TENM2: variants seen among roughly 807,000 people sequenced by gnomAD.
The protein encoded by TENM2 is teneurin-2.
Under a neutral mutation model 245.2 loss-of-function variants are expected in TENM2, and 52 were observed. That is an observed-to-expected ratio of 0.21 (90% CI 0.17 to 0.27). The LOEUF (loss-of-function observed/expected upper bound fraction) is 0.27. Ranked by LOEUF, TENM2 falls within the 10% of genes least tolerant of loss-of-function variation. TENM2 has a pLI of 1.00. For synonymous variants in TENM2, 1,363 were observed against 1,438.9 expected, an observed-to-expected ratio of 0.95 and a Z score of 1.19; for missense variants, 3,046 against 3,666.8, an observed-to-expected ratio of 0.83 and a Z score of 4.37.
At chr5:167,476,905 T>C (rs1195887041) in intron 2 of TENM2, among the ~76,000 whole-genome samples, 1 of 152,172 alleles carries the variant, frequency 6.6e-6, no homozygotes, top group African/African-American at 2.4e-5. Flanking sequence ...AGCCAATAGC[T>C]GATTTCTTTA....
chr5:168,230,362 T>A (rs766942675), intron 25 of TENM2, among the ~76,000 whole-genome samples: 4 of 152,278 alleles, frequency 2.6e-5, no homozygotes, highest in Non-Finnish European at 5.9e-5. Context: ...GCCTGGAATT[T>A]ATTTGCATCT....
chr5:167,356,207 AAAAAAAAAAAAAAATT>A (rs1346821850), intron 1 of TENM2, among the ~76,000 whole-genome samples: 8 of 149,914 alleles, frequency 5.3e-5, no homozygotes, highest in Non-Finnish European at 8.9e-5. Flanking sequence ...AAAAAAAAAA[AAAAAAAAAAAAAAATT>A]AAAATTAAAA....
chr5:167,452,739 C>G (rs970907114), intron 2 of TENM2, among the ~76,000 whole-genome samples: 1 of 150,864 alleles, frequency 6.6e-6, no homozygotes. Flanking sequence ...AATGAGACCA[C>G]TTGGACACAG....
chr5:167,020,039 T>G, the TENM2 span, among the ~76,000 whole-genome samples: 1 of 152,144 alleles, frequency 6.6e-6, no homozygotes, highest in East Asian at 1.9e-4. Context: ...TTTCTAAACT[T>G]TACATGGATC....
the TENM2 span, among the ~76,000 whole-genome samples, chr5:167,199,004 C>T: frequency 1.3e-5 from 2 of 148,338 alleles, no homozygotes; most frequent in Admixed American, 6.9e-5. Flanking sequence ...TAGAAGTCTT[C>T]GTGAATAAAA....
intron 2 of TENM2, among the ~76,000 whole-genome samples, chr5:167,518,571 T>A (rs1332825447): frequency 6.6e-6 from 1 of 152,186 alleles, no homozygotes; most frequent in Non-Finnish European, 1.5e-5. Flanking sequence ...CGACAGTGAC[T>A]GGAGTAGCTA....
At chr5:167,045,955 A>G in the TENM2 span, among the ~76,000 whole-genome samples, 1 of 152,094 alleles carries the variant, frequency 6.6e-6, no homozygotes, top group Non-Finnish European at 1.5e-5. Flanking sequence ...AAACATACTC[A>G]TTTTCTCTGA....
At chr5:167,419,256 G>C (rs1013393707) in intron 2 of TENM2, among the ~76,000 whole-genome samples, 4 of 152,112 alleles carry the variant, frequency 2.6e-5, no homozygotes, top group African/African-American at 9.7e-5. Flanking sequence ...GAGGTCAGAA[G>C]TTCAAGACCA....
intron 2 of TENM2, among the ~76,000 whole-genome samples, chr5:167,460,491 A>T (rs755241885): frequency 3.9e-5 from 6 of 152,144 alleles, no homozygotes; most frequent in Non-Finnish European, 7.3e-5. Flanking sequence ...TGCACTGAAG[A>T]TGCTGAGTGT....
chr5:167,952,967 C>T, intron 4 of TENM2, 145 bp downstream of exon 6: 1 of 678,644 alleles, frequency 1.5e-6, no homozygotes, highest in South Asian at 1.8e-5. Context: ...CTCCTTGTTC[C>T]CTTGGTAATT....
chr5:167,024,867 C>T, the TENM2 span, among the ~76,000 whole-genome samples: 1 of 152,286 alleles, frequency 6.6e-6, no homozygotes, highest in East Asian at 1.9e-4. Context: ...TTTCCTGTTT[C>T]AAAATTTGTC....
At chr5:167,377,992 A>G (rs1005117252) in intron 2 of TENM2, among the ~76,000 whole-genome samples, 1 of 151,998 alleles carries the variant, frequency 6.6e-6, no homozygotes, top group Non-Finnish European at 1.5e-5. Flanking sequence ...CTCCAATTTG[A>G]TTTTAGGTTT....
intron 2 of TENM2, among the ~76,000 whole-genome samples, chr5:167,776,637 GTATCTATA>G (rs1763821509): frequency 4.3e-4 from 1 of 2,342 alleles, no homozygotes; most frequent in Admixed American, 3.4e-3. Context: ...CCATATATAT[GTATCTATA>G]TATATATATA....
At chr5:167,953,679 A>G (rs2253216) in intron 4 of TENM2, among the ~76,000 whole-genome samples, 5,133 of 152,270 alleles carry the variant, frequency 0.034, 294 homozygotes, top group African/African-American at 0.12. Context: ...AGAACCATGG[A>G]GACGGAACAG....
chr5:167,652,673 C>T (rs948849007), intron 2 of TENM2, among the ~76,000 whole-genome samples: 1 of 152,110 alleles, frequency 6.6e-6, no homozygotes, highest in African/African-American at 2.4e-5. Flanking sequence ...CCATTTGACT[C>T]CTCTCCATGT....
intron 10 of TENM2, among the ~76,000 whole-genome samples, chr5:168,122,727 T>G (rs1795557808): frequency 6.6e-6 from 1 of 152,064 alleles, no homozygotes; most frequent in Admixed American, 6.6e-5. Context: ...TTTTTTTTAA[T>G]CACTGTTTTT....
intron 13 of TENM2, among the ~76,000 whole-genome samples, chr5:168,163,836 T>G (rs1437103918): frequency 2.0e-5 from 3 of 152,204 alleles, no homozygotes; most frequent in Non-Finnish European, 2.9e-5. Flanking sequence ...AATCTATAAC[T>G]AAGGTTTGGG....
At chr5:167,652,914 C>T (rs987987842) in intron 2 of TENM2, among the ~76,000 whole-genome samples, 32 of 152,214 alleles carry the variant, frequency 2.1e-4, no homozygotes, top group African/African-American at 7.7e-4. Context: ...GGGCTCCCAA[C>T]ATTAGCTATG....
At chr5:166,981,631 T>C in the TENM2 span, among the ~76,000 whole-genome samples, 1 of 152,180 alleles carries the variant, frequency 6.6e-6, no homozygotes, top group Non-Finnish European at 1.5e-5. Flanking sequence ...TGGGGCAAGA[T>C]TTCTAATTGT....
Sources: allele counts gnomAD v4.1 joint callset (sites outside exome capture counted in the v4.1 genomes callset), GRCh38; gene constraint gnomAD v4.1.1; transcripts MANE v1.5; gene names NCBI Gene and HGNC (gene_info 2026-07-23, HGNC 2026-07-21).